PCDH15: variants seen among roughly 807,000 people sequenced by gnomAD.
PCDH15 encodes the protein protocadherin-15.
A neutral mutation model predicts 178.5 loss-of-function variants in PCDH15; 129 were observed. That is an observed-to-expected ratio of 0.72 (90% CI 0.63 to 0.84). PCDH15 has a LOEUF of 0.84. Among genes scored for constraint, PCDH15 ranks in the 40% least tolerant of loss-of-function variants. PCDH15 has a pLI of 0.00. For missense variants in PCDH15, 2,230 were observed against 2,099.9 expected (o/e 1.06, Z -1.21); for synonymous variants, 800 against 732.0 (o/e 1.09, Z -1.50).
rs189398165 is a variant in PCDH15, at chr10:53,922,352, A to T, written c.3373+16463T>A. On this transcript the variant is annotated intron_variant, in intron 25 of 37. Transcript: ENST00000644397. ...AGTATTTCTTATGTTACAATAAGTT[A>T]AGTACTTTTCTGATATGATAGTCCT... Among the ~76,000 whole-genome samples, 350 of 152,300 alleles carry T rather than the reference A, an allele frequency of 2.3e-3. 1 individual carries two copies. Among genetic ancestry groups the T allele is most frequent in the African/African-American group, 7.7e-3 (319 of 41,558 alleles).
chr10:54,192,103 G>GA lies in PCDH15; in HGVS notation c.1305+3579dup, dbSNP rs1460922649. Among the ~76,000 whole-genome samples the GA allele has an allele frequency of 1.9e-4, 13 of 69,166 alleles. No individual in the cohort carries two copies. The East Asian group carries it at 0.029, about 156-fold the overall frequency. The allele number at this position is 69,166 out of a possible 152,430, so 45.4% of individuals were successfully genotyped here. On this transcript the variant is annotated intron_variant, in intron 11 of 37. Coordinates refer to ENST00000644397, the MANE Select transcript of PCDH15 (RefSeq NM_001384140.1). ...AGAAAGAAACAAAGGAAGGAAGGAA[G>GA]AAAGAAAAAAAAAAAAGAAAGAAAG...
At chr10:54,214,585 G>A (rs1017042515) in intron 9 of PCDH15, among the ~76,000 whole-genome samples, 1 of 151,826 alleles carries the variant, frequency 6.6e-6, no homozygotes. Flanking sequence ...GTCTACACAG[G>A]GTATTTATTT....
chr10:55,441,165 C>G (rs1839175542), intron 2 of PCDH15, among the ~76,000 whole-genome samples: 1 of 152,166 alleles, frequency 6.6e-6, no homozygotes, highest in Non-Finnish European at 1.5e-5. Flanking sequence ...GCAGTTTTAT[C>G]TAATAGCTAC....
At position 55,207,739 on chromosome 10, in the gene PCDH15, G is replaced by A. The variant is rs142184815; in HGVS notation, c.-155-41088C>T. The stretch of plus-strand genomic sequence containing the variant: ...GTCCCAGCACTTGGGAGGCTGAGGC[G>A]GGCATATCACCTGAGGTCAGGAGTT... On this transcript the variant is annotated intron_variant, in intron 1 of 5. Coordinates refer to the PCDH15 transcript ENST00000458638. Among the ~76,000 whole-genome samples, 1,037 of 152,184 alleles carry A rather than the reference G, an allele frequency of 6.8e-3. 22 individuals carry two copies. Among genetic ancestry groups the A allele is most frequent in the African/African-American group, 0.024 (1,003 of 41,492 alleles).
intron 1 of PCDH15, among the ~76,000 whole-genome samples, chr10:54,756,174 C>T (rs534460639): frequency 2.0e-5 from 3 of 151,760 alleles, no homozygotes; most frequent in South Asian, 2.1e-4. Flanking sequence ...AGTTTGAGCC[C>T]GGGAGGCAGA....
At chr10:54,487,704 T>C (rs1345549922) in intron 3 of PCDH15, among the ~76,000 whole-genome samples, 1 of 151,942 alleles carries the variant, frequency 6.6e-6, no homozygotes, top group Non-Finnish European at 1.5e-5. Context: ...TATACAGTTT[T>C]CTAAAAGGAT....
chr10:53,914,443 G>T (rs1238967301), intron 25 of PCDH15, among the ~76,000 whole-genome samples: 1 of 152,168 alleles, frequency 6.6e-6, no homozygotes, highest in African/African-American at 2.4e-5. Flanking sequence ...CATAAAAAAT[G>T]ATGAGTTCAT....
intron 8 of PCDH15, among the ~76,000 whole-genome samples, chr10:54,240,091 A>C (rs551842644): frequency 1.3e-5 from 2 of 152,258 alleles, no homozygotes; most frequent in South Asian, 2.1e-4. Flanking sequence ...AACATGCATT[A>C]TGTTTGAACT....
At chr10:54,391,013 C>T (rs1404768742) in intron 3 of PCDH15, among the ~76,000 whole-genome samples, 1 of 152,108 alleles carries the variant, frequency 6.6e-6, no homozygotes, top group Non-Finnish European at 1.5e-5. Context: ...AAAAGATGGG[C>T]TCCTTCAAAG....
intron 2 of PCDH15, among the ~76,000 whole-genome samples, chr10:55,509,367 G>A (rs767369998): frequency 8.6e-5 from 13 of 151,544 alleles, no homozygotes; most frequent in Admixed American, 2.0e-4. Context: ...ACCTAAAAAC[G>A]AAATCGAAAC....
At chr10:54,581,734 G>T (rs943195573) in intron 2 of PCDH15, among the ~76,000 whole-genome samples, 1 of 151,922 alleles carries the variant, frequency 6.6e-6, no homozygotes, top group Admixed American at 6.6e-5. Context: ...ACACATAGAC[G>T]TATGGAACAG....
chr10:54,904,518 A>T (rs182199010), intron 2 of PCDH15, among the ~76,000 whole-genome samples: 280 of 152,182 alleles, frequency 1.8e-3, no homozygotes, highest in Non-Finnish European at 3.5e-3. Context: ...TAAGATGACA[A>T]AATACTTTCA....
At chr10:53,925,361 C>T (rs1402291676) in intron 25 of PCDH15, among the ~76,000 whole-genome samples, 1 of 152,220 alleles carries the variant, frequency 6.6e-6, no homozygotes, top group Non-Finnish European at 1.5e-5. Context: ...TGCAGTTTCA[C>T]TCCTGAAGCC....
At position 54,668,207 on chromosome 10, in the gene PCDH15, T is replaced by C. The variant is rs141920444; in HGVS notation, c.-28-3917A>G. Reference sequence around the variant, plus strand: ...GTTGGAAAATATCAGTGAACAAAGCTGACACATTTCTTTTCTCCCATGGAT... The same window carrying C: ...GTTGGAAAATATCAGTGAACAAAGCCGACACATTTCTTTTCTCCCATGGAT... On this transcript the variant is annotated intron_variant, in intron 1 of 37. Transcript: ENST00000644397. Among the ~76,000 whole-genome samples, 409 of 152,066 alleles carry C rather than the reference T, an allele frequency of 2.7e-3. 3 individuals carry two copies. Among genetic ancestry groups the C allele is most frequent in the African/African-American group, 8.1e-3 (335 of 41,508 alleles).
intron 37 of PCDH15, among the ~76,000 whole-genome samples, chr10:53,807,743 A>C (rs1477857841): frequency 1.3e-5 from 2 of 152,124 alleles, no homozygotes; most frequent in Non-Finnish European, 2.9e-5. Flanking sequence ...TCCCATTTAG[A>C]TATACTAACT....
intron 3 of PCDH15, among the ~76,000 whole-genome samples, chr10:54,428,098 A>G (rs1437548303): frequency 2.0e-5 from 3 of 152,214 alleles, no homozygotes; most frequent in East Asian, 3.9e-4. Context: ...TCCCATCTTC[A>G]TGGGAACACA....
chr10:55,009,777 C>G (rs1840009828), intron 2 of PCDH15, among the ~76,000 whole-genome samples: 1 of 152,076 alleles, frequency 6.6e-6, no homozygotes, highest in Non-Finnish European at 1.5e-5. Flanking sequence ...TGATTAACAA[C>G]CAAAGTTTCT....
At chr10:54,193,766 A>C (rs181398747) in intron 11 of PCDH15, among the ~76,000 whole-genome samples, 1 of 152,340 alleles carries the variant, frequency 6.6e-6, no homozygotes. Flanking sequence ...GACTATGATC[A>C]AAGTATATAA....
intron 13 of PCDH15, among the ~76,000 whole-genome samples, chr10:54,154,508 A>T (rs1181101998): frequency 6.6e-6 from 1 of 152,200 alleles, no homozygotes; most frequent in Admixed American, 6.5e-5. Flanking sequence ...TCCTTGATCA[A>T]ATGTAAACAT....
Sources: allele counts gnomAD v4.1 joint callset (sites outside exome capture counted in the v4.1 genomes callset), GRCh38; gene constraint gnomAD v4.1.1; transcripts MANE v1.5; gene names NCBI Gene and HGNC (gene_info 2026-07-23, HGNC 2026-07-21).